BRSK2: variants seen among roughly 807,000 people sequenced by gnomAD.
The protein encoded by BRSK2 is serine/threonine-protein kinase BRSK2.
In BRSK2, 19 loss-of-function variants were observed where a neutral mutation model predicts 83.3. The observed-to-expected ratio is 0.23, with a 90% CI of 0.16 to 0.33. BRSK2 has a LOEUF of 0.33. Ranked by LOEUF, BRSK2 falls within the 10% of genes least tolerant of loss-of-function variation. The probability of loss-of-function intolerance (pLI) is 1.00; values close to 1 mark genes in which losing one functional copy is unlikely to be tolerated. For synonymous variants in BRSK2, 519 were observed against 435.4 expected (o/e 1.19, Z -2.39); for missense variants, 798 against 1,042.3 (o/e 0.77, Z 3.23).
intron 1 of BRSK2, among the ~76,000 whole-genome samples, chr11:1,408,650 C>T (rs1165270214): frequency 1.3e-5 from 2 of 152,134 alleles, no homozygotes; most frequent in Admixed American, 6.5e-5. Context: ...TCAGGGTTCA[C>T]GTCGGAACCC....
intron 1 of BRSK2, among the ~76,000 whole-genome samples, chr11:1,405,388 C>T (rs896179772): frequency 6.6e-6 from 1 of 152,110 alleles, no homozygotes; most frequent in Non-Finnish European, 1.5e-5. Flanking sequence ...GTGCAGGTGC[C>T]AGCCTTGCCC....
rs756212367 is a variant in BRSK2, at chr11:1,449,835, G to A, written c.1286G>A (p.Arg429Gln). The A allele has an allele frequency of 1.9e-5, 31 of 1,609,154 alleles. No homozygotes were observed. The highest frequency in any genetic ancestry group is 4.0e-5 in the African/African-American group (3 of 74,718). Residue 429 changes from arginine (R) to glutamine (Q), a missense_variant and splice_region_variant, in exon 13 of 20, where the codon CGG becomes CAG. Around this residue, in one of 6 missense-constraint regions of BRSK2, gnomAD observed 455 missense variants for 455.2 expected, o/e 1.00. Coordinates refer to ENST00000528841, the MANE Select transcript of BRSK2 (RefSeq NM_001256627.2). ...TCCACCAGCCCACTCAGCAGCCCCC[G>A]GGTGAGTGACCCCCCGCCCCCACCC... ...GLSTSPLSSP[R>Q]VTPHPSPRGS... is the part of the protein sequence containing the mutation.
chr11:1,442,090 T>C (rs959710243), intron 4 of BRSK2, among the ~76,000 whole-genome samples: 6 of 146,444 alleles, frequency 4.1e-5, no homozygotes, highest in Non-Finnish European at 9.0e-5. Context: ...GAGTGGGCAG[T>C]GTGTCGGGAA....
In BRSK2 at chr11:1,411,266, A is replaced by G. The variant is rs1215498485; in HGVS notation, c.91+20891A>G. On this transcript the variant is annotated intron_variant, in intron 1 of 19. Transcript: ENST00000528841. ...CCTCACAGCCTTGCTCCTGGGCCAG[A>G]TCAGCAGGAAAGCAGCCAGTGCCCC... The G allele has an allele frequency of 2.3e-6, 3 of 1,306,122 alleles. No individual in the cohort carries two copies. In the South Asian group the frequency reaches 7.4e-5, roughly 32 times the overall value. The allele number at this position is 1,306,122 out of a possible 1,614,324, so 80.9% of individuals were successfully genotyped here. A position where few individuals can be genotyped will look rare whatever the true frequency, so the allele number is the denominator to read the frequency against.
At chr11:1,420,482 A>G (rs147304731) in intron 1 of BRSK2, among the ~76,000 whole-genome samples, 1,686 of 152,288 alleles carry the variant, frequency 0.011, 39 homozygotes, top group African/African-American at 0.038. Context: ...GCCTGCCTCT[A>G]GAAGGTTCTT....
Position 1,445,019 on chromosome 11 carries a change from C to G in BRSK2, c.812+17C>G. ...ATGGTATATGTAAGTAGCTTTTCCA[C>G]CCACTAATCGCCTGCTTTGCCTGTT... On this transcript the variant is annotated intron_variant, in intron 9 of 19. Transcript: ENST00000528841. The G allele has an allele frequency of 6.2e-7, 1 of 1,610,890 alleles. No individual in the cohort carries two copies. The highest frequency in any genetic ancestry group is 8.5e-7 in the Non-Finnish European group (1 of 1,177,236).
chr11:1,442,815 C>T (rs937446752), intron 5 of BRSK2, among the ~76,000 whole-genome samples: 1 of 152,056 alleles, frequency 6.6e-6, no homozygotes, highest in Non-Finnish European at 1.5e-5. Flanking sequence ...GGGGTACAGC[C>T]CTGGCCCTGG....
chr11:1,450,946 C>T (rs1197752873), intron 14 of BRSK2, 152 bp downstream of exon 14: 4 of 716,816 alleles, frequency 5.6e-6, no homozygotes, highest in Non-Finnish European at 6.8e-6. Flanking sequence ...CCCGAAAGCG[C>T]CCAGCAGCAG....
chr11:1,397,132 G>C (rs938345826), intron 1 of BRSK2, among the ~76,000 whole-genome samples: 1 of 152,214 alleles, frequency 6.6e-6, no homozygotes, highest in African/African-American at 2.4e-5. Context: ...GCTTTCACCT[G>C]TAGGGCTGGT....
chr11:1,414,921 T>TA (rs888255967), intron 1 of BRSK2, among the ~76,000 whole-genome samples: 6 of 152,118 alleles, frequency 3.9e-5, no homozygotes, highest in African/African-American at 1.4e-4. Flanking sequence ...TGAACGCACT[T>TA]ACCTGTGTGG....
At chr11:1,450,938 C>A in intron 14 of BRSK2, 144 bp downstream of exon 14, 1 of 753,398 alleles carries the variant, frequency 1.3e-6, no homozygotes, top group Non-Finnish European at 2.1e-6. Flanking sequence ...CTCACTGTCC[C>A]GAAAGCGCCC....
At chr11:1,410,427 A>G (rs1473414529) in intron 1 of BRSK2, 9 of 981,422 alleles carry the variant, frequency 9.2e-6, no homozygotes, top group East Asian at 1.2e-4. Context: ...GAGCGGTGAC[A>G]GTTGCAGAGT....
At chr11:1,394,909 ATGGAGATGGGTCC>A (rs1363880669) in intron 1 of BRSK2, among the ~76,000 whole-genome samples, 1 of 82,390 alleles carries the variant, frequency 1.2e-5, no homozygotes, top group Non-Finnish European at 2.4e-5. Flanking sequence ...GAGATGGGCC[ATGGAGATGGGTCC>A]TGGAGATGGG....
At chr11:1,437,169 G>C (rs961751833) in intron 2 of BRSK2, among the ~76,000 whole-genome samples, 12 of 152,104 alleles carry the variant, frequency 7.9e-5, no homozygotes, top group Non-Finnish European at 1.3e-4. Context: ...GAATTTGGGA[G>C]GTGCCTGTGA....
At chr11:1,420,161 C>T (rs998774016) in intron 1 of BRSK2, among the ~76,000 whole-genome samples, 11 of 152,220 alleles carry the variant, frequency 7.2e-5, no homozygotes, top group African/African-American at 2.7e-4. Flanking sequence ...TGCGTGCGTG[C>T]ATGTGTGCGT....
intron 1 of BRSK2, among the ~76,000 whole-genome samples, chr11:1,398,481 G>A (rs1253253743): frequency 6.6e-6 from 1 of 152,168 alleles, no homozygotes; most frequent in Non-Finnish European, 1.5e-5. Context: ...CCTGCCCCCT[G>A]GGGATACAGG....
intron 1 of BRSK2, among the ~76,000 whole-genome samples, chr11:1,398,100 C>G (rs1207243949): frequency 6.6e-6 from 1 of 152,176 alleles, no homozygotes; most frequent in African/African-American, 2.4e-5. Context: ...GCACAGGGAG[C>G]CTGCCTGGCC....
intron 1 of BRSK2, among the ~76,000 whole-genome samples, chr11:1,401,863 G>A (rs1846501960): frequency 6.6e-6 from 1 of 152,268 alleles, no homozygotes; most frequent in African/African-American, 2.4e-5. Context: ...TCACAGCCCA[G>A]CTGCAGCTGG....
In BRSK2 at chr11:1,423,326, C is replaced by A. The variant is rs902563759; in HGVS notation, c.92-12714C>A. On this transcript the variant is annotated intron_variant, in intron 1 of 19. Transcript: ENST00000528841. The surrounding 1 kb of genome is among the most constrained non-coding windows in gnomAD (Gnocchi z 6.5). ...CTTGAGGCTAGGGGTGAGTTCGAGA[C>A]CTCGTAAATACTTCAGTGCAGAGCC... 6.6e-6 allele frequency among the ~76,000 whole-genome samples: 1 copy of A among 152,108 alleles called. No homozygotes were observed. Among genetic ancestry groups the A allele is most frequent in the African/African-American group, 2.4e-5 (1 of 41,410 alleles).
Sources: allele counts gnomAD v4.1 joint callset (sites outside exome capture counted in the v4.1 genomes callset), GRCh38; gene constraint gnomAD v4.1.1; regional missense constraint gnomAD v4.1.1; non-coding constraint Gnocchi (gnomAD v3.1); transcripts MANE v1.5; gene names NCBI Gene and HGNC (gene_info 2026-07-23, HGNC 2026-07-21).